Variants in GPAT3 observed in about 807,000 individuals in gnomAD.
GPAT3 encodes 1-AGP acyltransferase 9.
Under a neutral mutation model 58.8 loss-of-function variants are expected in GPAT3, and 53 were observed. The ratio of observed to expected loss-of-function variants is 0.90; its 90% CI spans 0.72 to 1.13. GPAT3 has a LOEUF of 1.13. Among genes scored for constraint, GPAT3 ranks in the 50% most tolerant of loss-of-function variants. The pLI, the probability that GPAT3 is intolerant of heterozygous loss-of-function variation, is 0.00. For synonymous variants in GPAT3, 197 were observed against 187.4 expected, an observed-to-expected ratio of 1.05 and a Z score of -0.42; for missense variants, 511 against 527.6, an observed-to-expected ratio of 0.97 and a Z score of 0.31.
intron 1 of GPAT3, among the ~76,000 whole-genome samples, chr4:83,540,098 A>G (rs1378379762): frequency 5.3e-5 from 8 of 151,566 alleles, no homozygotes; most frequent in Non-Finnish European, 8.8e-5. Flanking sequence ...CAGAGGCTAC[A>G]GTGAGCCAAG....
chr4:83,546,745 A>T (rs1052034671), intron 2 of GPAT3, among the ~76,000 whole-genome samples: 1 of 152,194 alleles, frequency 6.6e-6, no homozygotes, highest in Non-Finnish European at 1.5e-5. Flanking sequence ...GGCATTGGAC[A>T]GACCACTGTG....
intron 2 of GPAT3, among the ~76,000 whole-genome samples, chr4:83,548,188 G>T (rs1724616943): frequency 2.0e-5 from 3 of 152,280 alleles, no homozygotes; most frequent in South Asian, 4.1e-4. Context: ...CAGGAATAAT[G>T]GCTCGTTTGC....
chr4:83,570,523 A>AGTG (rs1276947278), intron 2 of GPAT3, among the ~76,000 whole-genome samples: 1 of 138,334 alleles, frequency 7.2e-6, no homozygotes, highest in Non-Finnish European at 1.5e-5. Context: ...CTCAGGCTGG[A>AGTG]GTGCAGCGGC....
intron 2 of GPAT3, among the ~76,000 whole-genome samples, chr4:83,554,050 G>C (rs1449073264): frequency 6.6e-6 from 1 of 152,080 alleles, no homozygotes; most frequent in East Asian, 1.9e-4. Flanking sequence ...GAGTGCAGTG[G>C]TAAGGATCAC....
intron 2 of GPAT3, 64 bp downstream of exon 2, chr4:83,544,666 A>G (rs548098003): frequency 4.1e-6 from 6 of 1,475,372 alleles, no homozygotes; most frequent in African/African-American, 2.8e-5. Context: ...AACCTACCCA[A>G]TTTGAACTTG....
intron 2 of GPAT3, among the ~76,000 whole-genome samples, chr4:83,549,091 C>A (rs1724649388): frequency 6.7e-6 from 1 of 150,196 alleles, no homozygotes; most frequent in Non-Finnish European, 1.5e-5. Flanking sequence ...TGCCTGTACT[C>A]CCAGATACTT....
At chr4:83,562,107 G>GA (rs1725146314) in intron 2 of GPAT3, among the ~76,000 whole-genome samples, 1 of 146,356 alleles carries the variant, frequency 6.8e-6, no homozygotes. Context: ...GAAATTGTAA[G>GA]CAAAGGCAGG....
chr4:83,588,405 C>G, intron 5 of GPAT3, 106 bp downstream of exon 5: 1 of 1,002,780 alleles, frequency 1.0e-6, no homozygotes, highest in Non-Finnish European at 1.5e-6. Context: ...AGTCAGAGTG[C>G]TTCCAATGTG....
intron 2 of GPAT3, among the ~76,000 whole-genome samples, chr4:83,560,166 G>C (rs1439104836): frequency 6.6e-6 from 1 of 152,192 alleles, no homozygotes; most frequent in Non-Finnish European, 1.5e-5. Context: ...TGAAAGAAGA[G>C]CTTTGATTGC....
At chr4:83,566,804 T>C (rs1725410993) in intron 2 of GPAT3, among the ~76,000 whole-genome samples, 2 of 151,818 alleles carry the variant, frequency 1.3e-5, no homozygotes, top group South Asian at 4.1e-4. Flanking sequence ...TTTTTTTTTT[T>C]TCCCCATTTG....
intron 3 of GPAT3, among the ~76,000 whole-genome samples, chr4:83,582,138 GGAAGAA>G (rs377297551): frequency 6.6e-6 from 1 of 151,974 alleles, no homozygotes; most frequent in Non-Finnish European, 1.5e-5. Flanking sequence ...AAGAGGAAGA[GGAAGAA>G]GAAGAAGAGA....
In GPAT3 at chr4:83,590,268, G is replaced by A. The variant is rs574920112; in HGVS notation, c.714G>A (p.Leu238=). The change falls in exon 6 of 12, where the codon TTG becomes TTA. Residue 238 remains leucine (L), a synonymous_variant. Transcript: ENST00000264409. ...NHTSPIDVLI[L]TTDGCYAMVG... is the part of the protein sequence containing the mutation. ...CTTCCCCCATTGATGTTTTAATCTT[G>A]ACAACGGATGGATGTTATGCTATGG... is the stretch of plus-strand genomic sequence containing the variant. 3 of 1,613,772 alleles carry A rather than the reference G, an allele frequency of 1.9e-6. No individual in the cohort carries two copies. Among genetic ancestry groups the A allele is most frequent in the East Asian group, 4.5e-5 (2 of 44,876 alleles).
rs141802438 is a variant in GPAT3, at chr4:83,558,321, A to G, written c.208+13719A>G. 1.3e-3 allele frequency among the ~76,000 whole-genome samples: 195 copies of G among 152,316 alleles called. 1 individual carries two copies. Among genetic ancestry groups the G allele is most frequent in the African/African-American group, 4.5e-3 (186 of 41,570 alleles). ...TAGCTGATGCTCTAAAATGGGATTA[A>G]AAAAACTGGGCTGGGTTACGTGATA... On this transcript the variant is annotated intron_variant, in intron 2 of 11. Transcript: ENST00000264409.
intron 2 of GPAT3, among the ~76,000 whole-genome samples, chr4:83,569,371 G>A (rs563532248): frequency 4.5e-4 from 68 of 152,292 alleles, no homozygotes; most frequent in African/African-American, 1.5e-3. Flanking sequence ...GAAGAATATA[G>A]CAGGGCTGCT....
intron 11 of GPAT3, among the ~76,000 whole-genome samples, chr4:83,603,803 A>G (rs1031872377): frequency 6.6e-6 from 1 of 151,824 alleles, no homozygotes; most frequent in South Asian, 2.1e-4. Flanking sequence ...AAAAAAAAAA[A>G]AAAAAAAAAG....
intron 1 of GPAT3, among the ~76,000 whole-genome samples, chr4:83,540,390 C>CAG (rs544813108): frequency 6.6e-6 from 1 of 152,134 alleles, no homozygotes; most frequent in South Asian, 2.1e-4. Flanking sequence ...TGCCTTGAGA[C>CAG]AGATATGTTC....
chr4:83,568,622 T>C (rs1275014535), intron 2 of GPAT3, among the ~76,000 whole-genome samples: 8 of 151,908 alleles, frequency 5.3e-5, no homozygotes, highest in African/African-American at 2.4e-5. Flanking sequence ...ATTCTTCTGC[T>C]TCAGCGTCCG....
At chr4:83,600,209 C>T (rs1727005311) in intron 11 of GPAT3, among the ~76,000 whole-genome samples, 1 of 152,092 alleles carries the variant, frequency 6.6e-6, no homozygotes, top group South Asian at 2.1e-4. Flanking sequence ...TTGATAAGGG[C>T]TCTCCTCTTG....
intron 2 of GPAT3, among the ~76,000 whole-genome samples, chr4:83,578,948 T>TCTTTCTTTC (rs11392342): frequency 0.099 from 7,124 of 71,622 alleles, 1,240 homozygotes; most frequent in Middle Eastern, 0.13. Context: ...TTTTCTTTTC[T>TCTTTCTTTC]TTTCTTTCTT....
Sources: gnomAD v4.1 joint callset for allele counts (sites outside exome capture counted in the v4.1 genomes callset) on GRCh38, gnomAD v4.1.1 for gene constraint, MANE v1.5 for transcripts, NCBI Gene and HGNC (gene_info 2026-07-23, HGNC 2026-07-21) for gene names.